ANKS1B: variants seen among roughly 807,000 people sequenced by gnomAD.
ANKS1B encodes ankyrin repeat and sterile alpha motif domain containing 1B, also known as ankyrin repeat and sterile alpha motif domain-containing protein 1B.
ANKS1B carries 36 observed loss-of-function variants against 148.3 expected under a neutral mutation model. The observed-to-expected ratio is 0.24, with a 90% CI of 0.19 to 0.32. The LOEUF (loss-of-function observed/expected upper bound fraction) is 0.32. ANKS1B is among the 10% of genes least tolerant of loss of function. The pLI is 1.00. For missense variants in ANKS1B, 1,157 were observed against 1,542.6 expected (o/e 0.75, Z 4.19); for synonymous variants, 542 against 560.8 (o/e 0.97, Z 0.47).
At chr12:98,793,982 T>G (rs1593875136) in intron 22 of ANKS1B, among the ~76,000 whole-genome samples, 1 of 152,194 alleles carries the variant, frequency 6.6e-6, no homozygotes, top group African/African-American at 2.4e-5. Context: ...TGTCTTGGAA[T>G]CTTTGAAGTG....
chr12:99,154,980 G>A lies in ANKS1B; in HGVS notation c.2420-585C>T, dbSNP rs764934459. 187 of 1,535,334 alleles carry A rather than the reference G, an allele frequency of 1.2e-4. 3 individuals carry two copies. In the South Asian group the frequency reaches 2.1e-3, roughly 17 times the overall value. ...CTTCCTCCTACACACCCATCCAAGC[G>A]TCAATCTTGAATGATGAGAGCAGTC... is the stretch of plus-strand genomic sequence containing the variant. On this transcript the variant is annotated intron_variant, in intron 14 of 26. Transcript: ENST00000683438.
chr12:99,473,172 TATTA>T (rs1484712090), intron 10 of ANKS1B, among the ~76,000 whole-genome samples: 19 of 152,042 alleles, frequency 1.2e-4, no homozygotes, highest in South Asian at 8.3e-4. Flanking sequence ...TCATTAGACA[TATTA>T]ATTATGTCAC....
At chr12:99,536,042 G>C (rs767694416) in intron 9 of ANKS1B, among the ~76,000 whole-genome samples, 1 of 152,142 alleles carries the variant, frequency 6.6e-6, no homozygotes, top group Non-Finnish European at 1.5e-5. Flanking sequence ...TGCACTCACA[G>C]AGAATTCATA....
intron 17 of ANKS1B, among the ~76,000 whole-genome samples, chr12:98,952,191 C>T (rs1172472569): frequency 6.6e-6 from 1 of 152,140 alleles, no homozygotes; most frequent in Non-Finnish European, 1.5e-5. Flanking sequence ...TTTTTCATAA[C>T]ATCTTTGTGA....
chr12:99,101,521 G>C (rs1276992916), intron 15 of ANKS1B, among the ~76,000 whole-genome samples: 1 of 152,190 alleles, frequency 6.6e-6, no homozygotes, highest in Admixed American at 6.5e-5. Flanking sequence ...AGTCAGGTGA[G>C]AAATAGACTT....
intron 15 of ANKS1B, among the ~76,000 whole-genome samples, chr12:99,145,902 T>G (rs193203900): frequency 6.6e-6 from 1 of 152,216 alleles, no homozygotes; most frequent in African/African-American, 2.4e-5. Flanking sequence ...AGTATACTAA[T>G]ATTGACCGTA....
chr12:99,283,119 T>A (rs1048284673), intron 12 of ANKS1B, among the ~76,000 whole-genome samples: 1 of 152,158 alleles, frequency 6.6e-6, no homozygotes, highest in African/African-American at 2.4e-5. Context: ...CTCTCCAGGT[T>A]TCAGTTTCCA....
At chr12:99,888,425 A>G (rs181116461) in intron 1 of ANKS1B, among the ~76,000 whole-genome samples, 1 of 152,310 alleles carries the variant, frequency 6.6e-6, no homozygotes, top group East Asian at 1.9e-4. Context: ...AATAAATCAA[A>G]CAAAAAGGGT....
chr12:99,034,951 C>A (rs1441294496), intron 17 of ANKS1B, among the ~76,000 whole-genome samples: 4 of 152,012 alleles, frequency 2.6e-5, no homozygotes, highest in Non-Finnish European at 1.5e-5. Flanking sequence ...CAGGAGATAC[C>A]ACCTCAGTTT....
At chr12:99,953,700 T>C (rs2095267727) in intron 1 of ANKS1B, among the ~76,000 whole-genome samples, 1 of 151,488 alleles carries the variant, frequency 6.6e-6, no homozygotes, top group Admixed American at 6.6e-5. Context: ...AGGAGAAAGG[T>C]AGGATATGCA....
chr12:99,010,911 T>G (rs994958816), intron 17 of ANKS1B, among the ~76,000 whole-genome samples: 5 of 149,786 alleles, frequency 3.3e-5, no homozygotes, highest in African/African-American at 4.9e-5. Flanking sequence ...GTTTTTTTTT[T>G]TTTTTTTTTT....
At position 98,868,694 on chromosome 12, in the gene ANKS1B, A is replaced by G. The variant is rs1163164204; in HGVS notation, c.2779-36558T>C. Among the ~76,000 whole-genome samples the G allele has an allele frequency of 4.6e-5, 7 of 152,252 alleles. No individual in the cohort carries two copies. In the East Asian group the frequency reaches 1.3e-3, roughly 29 times the overall value. ...AAAAGTCAATCCACAAAGTGGAATG[A>G]CATTGCTAACACACTTAGCATGAGA... On this transcript the variant is annotated intron_variant, in intron 17 of 26. Transcript: ENST00000683438.
intron 9 of ANKS1B, among the ~76,000 whole-genome samples, chr12:99,600,963 T>A (rs2097795349): frequency 6.6e-6 from 1 of 152,102 alleles, no homozygotes; most frequent in Admixed American, 6.6e-5. Context: ...TTCCCTTTCC[T>A]CCTTCTACTT....
At chr12:98,776,728 G>T (rs35274249) in intron 24 of ANKS1B, among the ~76,000 whole-genome samples, 12,463 of 152,300 alleles carry the variant, frequency 0.082, 680 homozygotes, top group Non-Finnish European at 0.12. Flanking sequence ...CATCAGCCGG[G>T]CTTTTCCTGA....
chr12:98,940,761 T>C (rs1473710315), intron 17 of ANKS1B, among the ~76,000 whole-genome samples: 1 of 152,138 alleles, frequency 6.6e-6, no homozygotes, highest in Non-Finnish European at 1.5e-5. Context: ...CAAGAACATA[T>C]GTATAAGAAT....
At chr12:98,875,136 C>T (rs2099684921) in intron 17 of ANKS1B, among the ~76,000 whole-genome samples, 2 of 152,230 alleles carry the variant, frequency 1.3e-5, no homozygotes, top group Admixed American at 1.3e-4. Flanking sequence ...CACTGAATCA[C>T]AAATCTTAGA....
At chr12:98,755,506 T>G (rs1348446581) in intron 25 of ANKS1B, among the ~76,000 whole-genome samples, 26 of 152,202 alleles carry the variant, frequency 1.7e-4, no homozygotes, top group Admixed American at 2.6e-4. Flanking sequence ...CTTGCTTGCT[T>G]GCTGAATGAA....
chr12:99,127,975 G>A (rs561752372), intron 15 of ANKS1B, among the ~76,000 whole-genome samples: 2 of 152,250 alleles, frequency 1.3e-5, no homozygotes, highest in African/African-American at 4.8e-5. Context: ...AACTAAAAAC[G>A]AACATCACCT....
chr12:99,812,711 A>T (rs558971588), intron 2 of ANKS1B, among the ~76,000 whole-genome samples: 123 of 150,470 alleles, frequency 8.2e-4, no homozygotes, highest in East Asian at 2.7e-3. Context: ...TTTTTTTTTT[A>T]AAAAAAGAGC....
Sources: allele counts gnomAD v4.1 joint callset (sites outside exome capture counted in the v4.1 genomes callset), GRCh38; gene constraint gnomAD v4.1.1; transcripts MANE v1.5; gene names NCBI Gene and HGNC (gene_info 2026-07-23, HGNC 2026-07-21).